The following MAP4K3 variants were observed in gnomAD, a reference collection of about 807,000 sequenced individuals.
MAP4K3 encodes MAPK/ERK kinase kinase kinase 3.
A neutral mutation model predicts 143.5 loss-of-function variants in MAP4K3; 94 were observed. That is an observed-to-expected ratio of 0.65 (90% CI 0.55 to 0.78). The LOEUF (loss-of-function observed/expected upper bound fraction) is 0.78. Ranked by LOEUF, MAP4K3 falls within the 30% of genes least tolerant of loss-of-function variation. The probability of loss-of-function intolerance (pLI) is 0.00; values close to 1 mark genes in which losing one functional copy is unlikely to be tolerated. For missense variants in MAP4K3, 1,077 were observed against 1,068.1 expected (o/e 1.01, Z -0.12); for synonymous variants, 416 against 347.2 (o/e 1.20, Z -2.20).
At position 39,260,646 on chromosome 2, in the gene MAP4K3, C is replaced by G; in HGVS notation, c.2268G>C (p.Thr756=). The G allele has an allele frequency of 6.2e-7, 1 of 1,613,928 alleles. No individual in the cohort carries two copies. The highest frequency in any genetic ancestry group is 8.5e-7 in the Non-Finnish European group (1 of 1,179,972). ...ATGAAGAGGTAGAATTTGGATTGAC[C>G]GTCTCAAATCGAACCACTTGGTTGA... is the stretch of plus-strand genomic sequence containing the variant. ...RDFNQVVRFE[T]VNPNSTSSWF... is the part of the protein sequence containing the mutation. Residue 756 remains threonine, a synonymous_variant, in exon 29 of 34, where the codon ACG becomes ACC. Coordinates refer to ENST00000263881, the MANE Select transcript of MAP4K3 (RefSeq NM_003618.4).
At chr2:39,261,571 G>A (rs1207618922) in intron 28 of MAP4K3, among the ~76,000 whole-genome samples, 9 of 152,168 alleles carry the variant, frequency 5.9e-5, no homozygotes, top group Admixed American at 5.9e-4. Flanking sequence ...CTAGTTAACT[G>A]CATTATTTAT....
At chr2:39,298,946 C>T (rs1051993330) in intron 16 of MAP4K3, among the ~76,000 whole-genome samples, 3 of 132,790 alleles carry the variant, frequency 2.3e-5, no homozygotes, top group African/African-American at 8.9e-5. Flanking sequence ...GCCTGGGCAA[C>T]AGAGTGACAC....
At chr2:39,411,481 G>T (rs1426471280) in intron 1 of MAP4K3, among the ~76,000 whole-genome samples, 1 of 152,178 alleles carries the variant, frequency 6.6e-6, no homozygotes, top group South Asian at 2.1e-4. Flanking sequence ...CTAATCACAT[G>T]CCAGGTATGG....
intron 26 of MAP4K3, among the ~76,000 whole-genome samples, chr2:39,271,518 T>C (rs989229967): frequency 6.6e-6 from 1 of 152,184 alleles, no homozygotes; most frequent in Non-Finnish European, 1.5e-5. Flanking sequence ...TTATATTAAA[T>C]AACGAAAGAA....
chr2:39,395,025 G>C (rs1294505059), intron 1 of MAP4K3, among the ~76,000 whole-genome samples: 1 of 152,080 alleles, frequency 6.6e-6, no homozygotes, highest in Non-Finnish European at 1.5e-5. Context: ...CACTATGACA[G>C]CAATTATTTT....
At position 39,369,193 on chromosome 2, in the gene MAP4K3, G is replaced by GTTTTTTTTTTTTTTTTT. The variant is rs1553419595; in HGVS notation, c.154+8872_154+8873insAAAAAAAAAAAAAAAAA. Among the ~76,000 whole-genome samples, 18 of 37,958 alleles carry GTTTTTTTTTTTTTTTTT rather than the reference G, an allele frequency of 4.7e-4. 1 individual carries two copies. In the East Asian group the frequency reaches 7.4e-3, roughly 16 times the overall value. 24.9% of individuals were successfully genotyped at this position (37,958 alleles called of 152,430 possible). A position where few individuals can be genotyped will look rare whatever the true frequency, so the allele number is the denominator to read the frequency against. On this transcript the variant is annotated intron_variant, in intron 2 of 33. Coordinates refer to ENST00000263881, the MANE Select transcript of MAP4K3 (RefSeq NM_003618.4). ...GGGTAAAATCTAAACCTTTGGGCTAGTTTTTTTTTTTGTTTTTTTTGAGAT... is the reference window on the plus strand; with the variant it reads ...GGGTAAAATCTAAACCTTTGGGCTAGTTTTTTTTTTTTTTTTTTTTTTTTTTTTGTTTTTTTTGAGAT...
At chr2:39,253,678 GCT>G (rs1558600724) in intron 32 of MAP4K3, among the ~76,000 whole-genome samples, 1 of 152,130 alleles carries the variant, frequency 6.6e-6, no homozygotes, top group African/African-American at 2.4e-5. Flanking sequence ...AGAAATAAAC[GCT>G]CTGAGCTTAA....
In MAP4K3 at chr2:39,402,218, A is replaced by G. The variant is rs183221222; in HGVS notation, c.97-24095T>C. On this transcript the variant is annotated intron_variant, in intron 1 of 33. Transcript: ENST00000263881. ...CACCAGAAAAGATTAGTGAACTTGA[A>G]GAAAACGGTAATAGAAACTACAGTC... is the stretch of plus-strand genomic sequence containing the variant. Among the ~76,000 whole-genome samples the G allele has an allele frequency of 2.0e-5, 3 of 152,352 alleles. No individual in the cohort carries two copies. The East Asian group carries it at 5.8e-4, about 29-fold the overall frequency.
chr2:39,394,298 C>G (rs778675963), intron 1 of MAP4K3, among the ~76,000 whole-genome samples: 1 of 152,058 alleles, frequency 6.6e-6, no homozygotes, highest in Non-Finnish European at 1.5e-5. Flanking sequence ...AAAGGAGGAG[C>G]CAGGGAAAGG....
chr2:39,256,771 A>C (rs1680356499), intron 31 of MAP4K3, among the ~76,000 whole-genome samples: 1 of 152,198 alleles, frequency 6.6e-6, no homozygotes, highest in Non-Finnish European at 1.5e-5. Flanking sequence ...TTTGCACAGG[A>C]TAGGGATTAT....
At chr2:39,387,811 G>A (rs1487652867) in intron 1 of MAP4K3, among the ~76,000 whole-genome samples, 1 of 152,126 alleles carries the variant, frequency 6.6e-6, no homozygotes, top group Non-Finnish European at 1.5e-5. Context: ...CTTTTCTTAA[G>A]TTAACTTGAA....
intron 20 of MAP4K3, among the ~76,000 whole-genome samples, chr2:39,287,223 C>A (rs1193824871): frequency 6.6e-6 from 1 of 152,020 alleles, no homozygotes; most frequent in Non-Finnish European, 1.5e-5. Context: ...CATTAAAAAA[C>A]CAAATACTGA....
intron 32 of MAP4K3, 63 bp downstream of exon 32, chr2:39,254,387 C>A: frequency 6.3e-6 from 8 of 1,272,898 alleles, no homozygotes; most frequent in South Asian, 3.7e-5. Flanking sequence ...ATTTAGGAAT[C>A]GAACTGTTTG....
intron 1 of MAP4K3, among the ~76,000 whole-genome samples, chr2:39,400,808 G>T (rs1666934399): frequency 6.6e-6 from 1 of 151,944 alleles, no homozygotes. Flanking sequence ...CAAAAGAAAG[G>T]TATATGGCCA....
chr2:39,380,823 A>T (rs560832020), intron 1 of MAP4K3, among the ~76,000 whole-genome samples: 16 of 152,168 alleles, frequency 1.1e-4, no homozygotes, highest in Non-Finnish European at 1.9e-4. Flanking sequence ...CTTTATTGGG[A>T]TAGAATCCAC....
intron 2 of MAP4K3, among the ~76,000 whole-genome samples, chr2:39,362,711 T>A (rs375575180): frequency 6.1e-4 from 93 of 152,186 alleles, no homozygotes; most frequent in African/African-American, 2.1e-3. Context: ...AAAATTTAGA[T>A]AGAACCACAA....
intron 1 of MAP4K3, among the ~76,000 whole-genome samples, chr2:39,409,182 T>C (rs1034274018): frequency 2.0e-5 from 3 of 152,230 alleles, no homozygotes; most frequent in African/African-American, 4.8e-5. Flanking sequence ...TTCTCTTCCT[T>C]ATGATTTCTT....
Position 39,413,028 on chromosome 2 carries a change from T to C in MAP4K3, c.96+23864A>G, listed in dbSNP as rs1395442208. Among the ~76,000 whole-genome samples, 4 of 152,206 alleles carry C rather than the reference T, an allele frequency of 2.6e-5. No individual in the cohort carries two copies. The East Asian group carries it at 5.8e-4, about 22-fold the overall frequency. ...CATGCAACTAACTTGTCTACCTCAC[T>C]GAAGTGACTAACGAGGAGAAACCCA... On this transcript the variant is annotated intron_variant, in intron 1 of 33. Transcript: ENST00000263881.
intron 28 of MAP4K3, among the ~76,000 whole-genome samples, chr2:39,262,985 C>T (rs1009552357): frequency 1.7e-4 from 26 of 151,696 alleles, no homozygotes; most frequent in East Asian, 9.8e-4. Flanking sequence ...CCCAGCTACT[C>T]GGGAGGCTGA....
Sources: gnomAD v4.1 joint callset for allele counts (sites outside exome capture counted in the v4.1 genomes callset) on GRCh38, gnomAD v4.1.1 for gene constraint, MANE v1.5 for transcripts, NCBI Gene and HGNC (gene_info 2026-07-23, HGNC 2026-07-21) for gene names.